LAMB1: variants seen among roughly 807,000 people sequenced by gnomAD.
LAMB1 encodes laminin subunit beta-1.
A neutral mutation model predicts 222.3 loss-of-function variants in LAMB1; 121 were observed. The ratio of observed to expected loss-of-function variants is 0.54; its 90% CI spans 0.47 to 0.63. The LOEUF (loss-of-function observed/expected upper bound fraction) is 0.63. Ranked by LOEUF, LAMB1 falls within the 30% of genes least tolerant of loss-of-function variation. The pLI, the probability that LAMB1 is intolerant of heterozygous loss-of-function variation, is 0.00. For synonymous variants in LAMB1, 794 were observed against 807.2 expected (o/e 0.98, Z 0.28); for missense variants, 2,172 against 2,240.8 (o/e 0.97, Z 0.62).
intron 16 of LAMB1, 23 bp from the exon 17 acceptor site, chr7:107,961,352 GACA>G (rs771579418): frequency 2.6e-4 from 413 of 1,610,650 alleles, no homozygotes; most frequent in Non-Finnish European, 1.0e-4. Context: ...AAAAAAGAAA[GACA>G]ACAACGAAAG....
chr7:107,959,230 A>C lies in LAMB1; in HGVS notation c.2690+19T>G, dbSNP rs765678793. The C allele has an allele frequency of 8.2e-6, 13 of 1,584,314 alleles. No homozygotes were observed. The highest frequency in any genetic ancestry group is 1.7e-5 in the Admixed American group (1 of 59,590). Reference sequence around the variant, plus strand: ...AGCCAGAGATCACTACATTCTCCTTACTTTCAGCATCTGCATACCTTTCAC... The same window carrying C: ...AGCCAGAGATCACTACATTCTCCTTCCTTTCAGCATCTGCATACCTTTCAC... On this transcript the variant is annotated intron_variant, in intron 20 of 33. Transcript: ENST00000222399.
At position 107,941,822 on chromosome 7, in the gene LAMB1, C is replaced by CTTTTT. The variant is rs774447066; in HGVS notation, c.3392-1469_3392-1465dup. On this transcript the variant is annotated intron_variant, in intron 24 of 33. Coordinates refer to ENST00000222399, the MANE Select transcript of LAMB1 (RefSeq NM_002291.3). ...TACAGGCATGCGCCACCACACCCGG[C>CTTTTT]TTTTTTTTTTTTTTTTTTTTTTTTT... Among the ~76,000 whole-genome samples, 4 of 31,884 alleles carry CTTTTT rather than the reference C, an allele frequency of 1.3e-4. 1 individual carries two copies. Among genetic ancestry groups the CTTTTT allele is most frequent in the Non-Finnish European group, 2.1e-4 (4 of 18,670 alleles). The allele number at this position is 31,884 out of a possible 152,430, so 20.9% of individuals were successfully genotyped here. A position where few individuals can be genotyped will look rare whatever the true frequency, so the allele number is the denominator to read the frequency against.
chr7:107,990,886 T>G (rs2034169131), intron 5 of LAMB1, among the ~76,000 whole-genome samples: 1 of 152,178 alleles, frequency 6.6e-6, no homozygotes. Flanking sequence ...CCCTCCTACT[T>G]AAGAATCACA....
rs1038106884 is a variant in LAMB1, at chr7:107,934,081, T to C, written c.4188+1334A>G. 9.2e-5 allele frequency among the ~76,000 whole-genome samples: 14 copies of C among 152,366 alleles called. No individual in the cohort carries two copies. The Middle Eastern group carries it at 0.01, about 111-fold the overall frequency. On this transcript the variant is annotated intron_variant, in intron 27 of 33. Coordinates refer to ENST00000222399, the MANE Select transcript of LAMB1 (RefSeq NM_002291.3). ...TTTCATGCTTCATAACTTTGTCTCC[T>C]GTTAGCTGCAATTTACACATTGCTC...
At chr7:107,981,932 A>AT (rs146900186) in intron 7 of LAMB1, among the ~76,000 whole-genome samples, 602 of 152,340 alleles carry the variant, frequency 4.0e-3, no homozygotes, top group African/African-American at 0.013. Flanking sequence ...TTTAAGCAAC[A>AT]TTTTGGTCCA....
At chr7:107,989,906 T>G (rs1465044602) in intron 5 of LAMB1, among the ~76,000 whole-genome samples, 1 of 152,176 alleles carries the variant, frequency 6.6e-6, no homozygotes, top group Admixed American at 6.5e-5. Context: ...AACAACACAT[T>G]TTACCTAACG....
At chr7:107,978,684 T>A (rs1054108547) in intron 8 of LAMB1, among the ~76,000 whole-genome samples, 1 of 152,216 alleles carries the variant, frequency 6.6e-6, no homozygotes, top group Non-Finnish European at 1.5e-5. Flanking sequence ...AAATTTTTCT[T>A]TCAATGACAG....
At position 107,939,311 on chromosome 7, in the gene LAMB1, C is replaced by CA. The variant is rs147077408; in HGVS notation, c.3761+677dup. Among the ~76,000 whole-genome samples the CA allele has an allele frequency of 0.025, 3,842 of 152,082 alleles. 228 individuals are homozygous for CA. The East Asian group carries it at 0.27, about 11-fold the overall frequency. On this transcript the variant is annotated intron_variant, in intron 25 of 33. Transcript: ENST00000222399. The stretch of plus-strand genomic sequence containing the variant: ...GGTCAATTCTCTAGGCTTCCACTAA[C>CA]AAACACTGTCCAATCAGAGGGAAGA...
At position 107,935,347 on chromosome 7, in the gene LAMB1, G is replaced by GTTTTTTTTT. The variant is rs200599445; in HGVS notation, c.4188+59_4188+67dup. Reference sequence around the variant, plus strand: ...GACAAAAGATGGTTTGTTTTTCTTTGTTTTTTTTTTTTTTTTTTTTTTTTT... The same window carrying GTTTTTTTTT: ...GACAAAAGATGGTTTGTTTTTCTTTGTTTTTTTTTTTTTTTTTTTTTTTTTTTTTTTTTT... On this transcript the variant is annotated intron_variant, in intron 27 of 33. Transcript: ENST00000222399. 218 of 1,173,226 alleles carry GTTTTTTTTT rather than the reference G, an allele frequency of 1.9e-4. 20 individuals carry two copies. The highest frequency in any genetic ancestry group is 1.1e-3 in the African/African-American group (46 of 41,528). 72.7% of individuals were successfully genotyped at this position (1,173,226 alleles called of 1,614,324 possible). A position where few individuals can be genotyped will look rare whatever the true frequency, so the allele number is the denominator to read the frequency against.
At chr7:107,986,510 A>T in intron 5 of LAMB1, 147 bp from the exon 6 acceptor site, 1 of 652,308 alleles carries the variant, frequency 1.5e-6, no homozygotes, top group Non-Finnish European at 2.6e-6. Context: ...GATTTCAAAT[A>T]ATTCAAGCTG....
intron 24 of LAMB1, among the ~76,000 whole-genome samples, chr7:107,949,206 G>A (rs1281103024): frequency 2.0e-5 from 3 of 152,154 alleles, no homozygotes; most frequent in Non-Finnish European, 2.9e-5. Flanking sequence ...AATTTCCCTG[G>A]CAGATTTAGA....
chr7:107,984,330 C>T (rs1194665588), intron 7 of LAMB1, among the ~76,000 whole-genome samples: 2 of 152,212 alleles, frequency 1.3e-5, no homozygotes, highest in African/African-American at 4.8e-5. Flanking sequence ...CTCCCTGCAA[C>T]CTCCACCTCC....
chr7:107,967,113 T>C (rs920824402), intron 13 of LAMB1, among the ~76,000 whole-genome samples: 2 of 152,214 alleles, frequency 1.3e-5, no homozygotes, highest in African/African-American at 4.8e-5. Context: ...CTCTAATTCA[T>C]CTTGTCCCAA....
intron 20 of LAMB1, 119 bp downstream of exon 20, chr7:107,959,130 G>A (rs1033971103): frequency 3.9e-6 from 3 of 769,080 alleles, no homozygotes; most frequent in Non-Finnish European, 6.6e-6. Flanking sequence ...AAATAGTGAG[G>A]TGGTCAGAAA....
chr7:107,926,070 T>C (rs1449919289), intron 32 of LAMB1, 113 bp downstream of exon 32: 10 of 765,962 alleles, frequency 1.3e-5, no homozygotes, highest in Non-Finnish European at 1.9e-5. Context: ...TCATTTGATA[T>C]TTCTGATGAA....
At position 107,959,396 on chromosome 7, in the gene LAMB1, G is replaced by A; in HGVS notation, c.2543C>T (p.Ala848Val). ...AGGTAAGCACCGATCACACTGCCGAGCATACACTCCCTGGAAACAGTGGCA... is the reference window on the plus strand; with the variant it reads ...AGGTAAGCACCGATCACACTGCCGAACATACACTCCCTGGAAACAGTGGCA... ...GQCHCFQGVY[A>V]RQCDRCLPGH... The change falls in exon 20 of 34, where the codon GCT becomes GTT. Residue 848 changes from alanine (A) to valine (V), a missense_variant. Coordinates refer to ENST00000222399, the MANE Select transcript of LAMB1 (RefSeq NM_002291.3). 6.2e-7 allele frequency: 1 copy of A among 1,614,262 alleles called. No individual in the cohort carries two copies. Among genetic ancestry groups the A allele is most frequent in the Non-Finnish European group, 8.5e-7 (1 of 1,180,050 alleles).
chr7:107,956,367 T>G (rs2033376651), intron 20 of LAMB1, among the ~76,000 whole-genome samples: 1 of 152,210 alleles, frequency 6.6e-6, no homozygotes. Context: ...CTGAAACAGA[T>G]GACTGGGCTC....
At chr7:107,944,140 G>A (rs1373809691) in intron 24 of LAMB1, among the ~76,000 whole-genome samples, 1 of 152,174 alleles carries the variant, frequency 6.6e-6, no homozygotes, top group Non-Finnish European at 1.5e-5. Context: ...GTATACCTTT[G>A]TTCAGTCCTA....
chr7:107,970,906 T>C (rs2033736227), intron 13 of LAMB1, among the ~76,000 whole-genome samples: 1 of 152,138 alleles, frequency 6.6e-6, no homozygotes, highest in African/African-American at 2.4e-5. Context: ...CTAATTTTTG[T>C]ATTTTTAGTA....
Sources: gnomAD v4.1 joint callset for allele counts (sites outside exome capture counted in the v4.1 genomes callset) on GRCh38, gnomAD v4.1.1 for gene constraint, MANE v1.5 for transcripts, NCBI Gene and HGNC (gene_info 2026-07-23, HGNC 2026-07-21) for gene names.